Variants in PADI2 observed in about 807,000 individuals in gnomAD.
PADI2 encodes protein-arginine deiminase type-2.
A neutral mutation model predicts 81.1 loss-of-function variants in PADI2; 70 were observed. That is an observed-to-expected ratio of 0.86 (90% CI 0.71 to 1.05). The LOEUF (loss-of-function observed/expected upper bound fraction) is 1.05, where lower values mean the gene tolerates loss of function less well. Among genes scored for constraint, PADI2 ranks in the 50% least tolerant of loss-of-function variants. The probability of loss-of-function intolerance (pLI) is 0.00; values close to 1 mark genes in which losing one functional copy is unlikely to be tolerated. For missense variants in PADI2, 853 were observed against 889.9 expected (o/e 0.96, Z 0.53); for synonymous variants, 338 against 358.0 (o/e 0.94, Z 0.63).
Position 17,083,685 on chromosome 1 carries a change from C to T in PADI2, c.1050+41G>A, listed in dbSNP as rs113237725. Reference sequence around the variant, plus strand: ...GAAGCCAACTCTTCTTTGCTTGACCCGGGGGCCATGTCCTTCCCAGCCTGG... The same window carrying T: ...GAAGCCAACTCTTCTTTGCTTGACCTGGGGGCCATGTCCTTCCCAGCCTGG... On this transcript the variant is annotated intron_variant, in intron 9 of 15. Transcript: ENST00000375486. 7.6e-4 allele frequency: 970 copies of T among 1,268,922 alleles called. 5 individuals are homozygous for T. In the African/African-American group the frequency reaches 9.7e-3, roughly 13 times the overall value. 78.6% of individuals were successfully genotyped at this position (1,268,922 alleles called of 1,614,324 possible).
At position 17,069,261 on chromosome 1, in the gene PADI2, A is replaced by G; in HGVS notation, c.1781T>C (p.Leu594Pro). The change falls in exon 16 of 16, where the codon CTG (leucine) becomes CCG (proline). Residue 594 changes from leucine (L) to proline (P), a missense_variant. Transcript: ENST00000375486. Reference protein sequence around the residue: ...FFPNMVNMIVLDKDLGIPKPF... With the variant: ...FFPNMVNMIVPDKDLGIPKPF... ...CTTGGGGATGCCCAGGTCCTTGTCCAGCACGATCATGTTCACCTGTGACGG... is the reference window on the plus strand; with the variant it reads ...CTTGGGGATGCCCAGGTCCTTGTCCGGCACGATCATGTTCACCTGTGACGG... 2 of 1,614,124 alleles carry G rather than the reference A, an allele frequency of 1.2e-6. No individual in the cohort carries two copies. Among genetic ancestry groups the G allele is most frequent in the Non-Finnish European group, 1.7e-6 (2 of 1,179,928 alleles).
chr1:17,072,495 A>C (rs911891450), intron 13 of PADI2, among the ~76,000 whole-genome samples: 2 of 152,198 alleles, frequency 1.3e-5, no homozygotes, highest in African/African-American at 4.8e-5. Context: ...TGTTTTCCCC[A>C]AACATTGTGG....
At position 17,082,579 on chromosome 1, in the gene PADI2, C is replaced by A; in HGVS notation, c.1124G>T (p.Gly375Val). The change falls in exon 10 of 16, where the codon GGA (glycine) becomes GTA (valine). Residue 375 changes from glycine to valine, a missense_variant. Gly to Val is a moderately radical substitution (Grantham distance 109, BLOSUM62 -3). Transcript: ENST00000375486. ...CTTCACAGGGAAGTCCTTTAGGTTT[C>A]CATCTCGGGGAGAGTCCAGCACCAC... ...FPVVLDSPRD[G>V]NLKDFPVKEL... The A allele has an allele frequency of 1.2e-6, 2 of 1,613,624 alleles. No individual in the cohort carries two copies. The highest frequency in any genetic ancestry group is 4.5e-5 in the East Asian group (2 of 44,870).
intron 1 of PADI2, among the ~76,000 whole-genome samples, chr1:17,110,188 G>A (rs568216845): frequency 1.4e-4 from 21 of 152,290 alleles, no homozygotes; most frequent in African/African-American, 4.8e-4. Context: ...AGAGCCAGGG[G>A]CTTCAGGCAC....
chr1:17,118,092 T>C lies in PADI2; in HGVS notation c.92+1188A>G, dbSNP rs1265430539. ...CTCTGCAGCGGTGGCAGGAGACTGG[T>C]TGGGCAGGTGGGAGGGCTGCCAGGG... is the stretch of plus-strand genomic sequence containing the variant. On this transcript the variant is annotated intron_variant, in intron 1 of 15. Coordinates refer to ENST00000375486, the MANE Select transcript of PADI2 (RefSeq NM_007365.3). 2.6e-5 allele frequency among the ~76,000 whole-genome samples: 4 copies of C among 152,104 alleles called. No homozygotes were observed. The East Asian group carries it at 7.7e-4, about 29-fold the overall frequency.
intron 8 of PADI2, 140 bp downstream of exon 8, chr1:17,084,459 G>A (rs567316770): frequency 1.0e-5 from 6 of 581,428 alleles, no homozygotes; most frequent in Non-Finnish European, 1.8e-5. Flanking sequence ...TCTACGATGT[G>A]GGCATTTCAG....
intron 13 of PADI2, among the ~76,000 whole-genome samples, chr1:17,073,139 C>T (rs780104172): frequency 2.0e-5 from 3 of 152,106 alleles, no homozygotes; most frequent in South Asian, 2.1e-4. Context: ...AAAAATAGGC[C>T]GAGCATGGTG....
chr1:17,119,339 G>A lies in PADI2; in HGVS notation c.33C>T (p.Tyr11=). 1 of 1,552,658 alleles carries A rather than the reference G, an allele frequency of 6.4e-7. No individual in the cohort carries two copies. Residue 11 remains tyrosine (Y), a synonymous_variant, in exon 1 of 16, where the codon TAC becomes TAT. Coordinates refer to ENST00000375486, the MANE Select transcript of PADI2 (RefSeq NM_007365.3). This position sits in a 1 kb window ranked among gnomAD's most constrained non-coding sequence, Gnocchi z 4.8. The part of the protein sequence containing the change: MLRERTVRLQ[Y]GSRVEAVYVL... ...CGTACACCGCCTCCACGCGGCTCCC[G>A]TACTGCAGCCGCACGGTCCGCTCGC...
chr1:17,070,795 G>A (rs557223181), intron 14 of PADI2, among the ~76,000 whole-genome samples: 2 of 152,178 alleles, frequency 1.3e-5, no homozygotes, highest in South Asian at 4.1e-4. Context: ...CCAAGTAGCT[G>A]GGATTATAGG....
chr1:17,092,476 G>T lies in PADI2; in HGVS notation c.587C>A (p.Ala196Asp). Residue 196 changes from alanine (A) to aspartate (D), a missense_variant, in exon 6 of 16, where the codon GCC becomes GAC. Transcript: ENST00000375486. Reference protein sequence around the residue: ...LRTKGPDRLPAGYEIVLYISM... With the variant: ...LRTKGPDRLPDGYEIVLYISM... ...AATGTACAGAACTATCTCGTATCCG[G>T]CGGGGAGGCGGTCGGGGCCTTTGGT... 1 of 1,605,068 alleles carries T rather than the reference G, an allele frequency of 6.2e-7. No individual in the cohort carries two copies. The highest frequency in any genetic ancestry group is 1.7e-5 in the Admixed American group (1 of 58,858).
At chr1:17,102,004 CCCT>C (rs369903150) in intron 3 of PADI2, among the ~76,000 whole-genome samples, 1 of 152,070 alleles carries the variant, frequency 6.6e-6, no homozygotes, top group African/African-American at 2.4e-5. Context: ...ACCATTCTCC[CCCT>C]CCTCCTCCTC....
intron 15 of PADI2, among the ~76,000 whole-genome samples, chr1:17,069,838 T>C (rs1326395954): frequency 6.6e-6 from 1 of 152,262 alleles, no homozygotes; most frequent in Non-Finnish European, 1.5e-5. Flanking sequence ...TCTAATCTTT[T>C]GCACAGCACT....
At chr1:17,110,290 T>C (rs1259321980) in intron 1 of PADI2, among the ~76,000 whole-genome samples, 1 of 152,040 alleles carries the variant, frequency 6.6e-6, no homozygotes, top group African/African-American at 2.4e-5. Flanking sequence ...TTCTTGCTTA[T>C]TAGAGAGAGG....
chr1:17,111,191 G>A (rs965634208), intron 1 of PADI2, among the ~76,000 whole-genome samples: 10 of 148,622 alleles, frequency 6.7e-5, no homozygotes, highest in African/African-American at 2.2e-4. Flanking sequence ...GGGTTCAAGC[G>A]ATTCTCCTGC....
chr1:17,113,948 C>T (rs1385458563), intron 1 of PADI2, among the ~76,000 whole-genome samples: 1 of 152,188 alleles, frequency 6.6e-6, no homozygotes, highest in African/African-American at 2.4e-5. Context: ...TCTCAGGGAC[C>T]CCAACTATGC....
chr1:17,080,085 C>T (rs2647195), intron 10 of PADI2, among the ~76,000 whole-genome samples: 84,766 of 151,926 alleles, frequency 0.56, 23,848 homozygotes, highest in Non-Finnish European at 0.59. Flanking sequence ...GCCACTGCGC[C>T]CAGCCCGTTT....
intron 1 of PADI2, among the ~76,000 whole-genome samples, chr1:17,106,725 G>A (rs990559082): frequency 2.0e-5 from 3 of 152,106 alleles, no homozygotes; most frequent in African/African-American, 4.8e-5. Flanking sequence ...TTACAGGCGT[G>A]AGCCACCCTG....
chr1:17,086,501 T>C lies in PADI2; in HGVS notation c.834+20A>G, dbSNP rs778089994. The C allele has an allele frequency of 3.2e-5, 52 of 1,601,468 alleles. No individual in the cohort carries two copies. The Middle Eastern group carries it at 5.0e-4, about 15-fold the overall frequency. The stretch of plus-strand genomic sequence containing the variant: ...GGCCCCTGGGGTTAGCCCCCTGTGG[T>C]GGAGGCCTGGAGCCCTCACCTGGGC... On this transcript the variant is annotated intron_variant, in intron 7 of 15. Transcript: ENST00000375486.
intron 10 of PADI2, 107 bp downstream of exon 10, chr1:17,082,438 T>C (rs1243656036): frequency 6.7e-6 from 5 of 741,158 alleles, no homozygotes; most frequent in African/African-American, 1.7e-5. Flanking sequence ...ACAGAGGCTC[T>C]GGGCAGCAGA....
Sources: allele counts gnomAD v4.1 joint callset (sites outside exome capture counted in the v4.1 genomes callset), GRCh38; gene constraint gnomAD v4.1.1; non-coding constraint Gnocchi (gnomAD v3.1); transcripts MANE v1.5; gene names NCBI Gene and HGNC (gene_info 2026-07-23, HGNC 2026-07-21).